The following C1orf198 variants were observed in gnomAD, a reference collection of about 807,000 sequenced individuals.
C1orf198 encodes uncharacterized protein C1orf198.
Under a neutral mutation model 31.4 loss-of-function variants are expected in C1orf198, and 17 were observed. That is an observed-to-expected ratio of 0.54 (90% CI 0.37 to 0.81). C1orf198 has a LOEUF of 0.81. C1orf198 is among the 40% of genes least tolerant of loss of function. The pLI is 0.00. For synonymous variants in C1orf198, 175 were observed against 193.8 expected, an observed-to-expected ratio of 0.90 and a Z score of 0.81; for missense variants, 401 against 450.3, an observed-to-expected ratio of 0.89 and a Z score of 0.99.
intron 2 of C1orf198, among the ~76,000 whole-genome samples, chr1:230,850,547 C>A (rs1002268483): frequency 6.6e-6 from 1 of 152,124 alleles, no homozygotes; most frequent in African/African-American, 2.4e-5. Flanking sequence ...TGTGGGATGG[C>A]AGTGCAGGGC....
chr1:230,850,143 C>T (rs753333184), intron 2 of C1orf198, among the ~76,000 whole-genome samples: 62 of 152,334 alleles, frequency 4.1e-4, no homozygotes, highest in Admixed American at 6.5e-4. Flanking sequence ...GGGACAAAGA[C>T]GCACCAACAA....
intron 1 of C1orf198, among the ~76,000 whole-genome samples, chr1:230,859,898 C>T (rs1163187845): frequency 2.0e-5 from 3 of 152,036 alleles, no homozygotes; most frequent in South Asian, 2.1e-4. Flanking sequence ...ATATCGCCAG[C>T]GTTTACTTCT....
chr1:230,859,460 T>C (rs763191824), intron 1 of C1orf198, among the ~76,000 whole-genome samples: 8 of 152,148 alleles, frequency 5.3e-5, no homozygotes, highest in Non-Finnish European at 1.0e-4. Context: ...GGCCAGGACT[T>C]ATCCTCAGAG....
upstream of C1orf198, chr1:230,869,266 AC>A (rs1670204466): frequency 6.6e-6 from 1 of 152,186 alleles, no homozygotes; most frequent in African/African-American, 2.4e-5. Flanking sequence ...CCTTTCCCCA[AC>A]CCAAGGAGCT....
At chr1:230,866,591 A>C (rs1285563052) in intron 1 of C1orf198, among the ~76,000 whole-genome samples, 1 of 152,174 alleles carries the variant, frequency 6.6e-6, no homozygotes, top group African/African-American at 2.4e-5. Context: ...CTTTTTCATC[A>C]TGAGTAGGCG....
At chr1:230,859,720 C>T (rs975649842) in intron 1 of C1orf198, among the ~76,000 whole-genome samples, 7 of 152,208 alleles carry the variant, frequency 4.6e-5, no homozygotes, top group African/African-American at 1.7e-4. Flanking sequence ...GGGATAAACA[C>T]ACACACAAAC....
chr1:230,855,393 C>T (rs533853723), intron 2 of C1orf198, among the ~76,000 whole-genome samples: 1 of 152,172 alleles, frequency 6.6e-6, no homozygotes, highest in Admixed American at 6.5e-5. Context: ...CCAAGCTGGC[C>T]GGGAGTCCTA....
upstream of C1orf198, chr1:230,868,686 G>C: frequency 3.4e-6 from 1 of 296,436 alleles, no homozygotes; most frequent in Non-Finnish European, 5.0e-6. Flanking sequence ...GGCCCTCCGT[G>C]GCCCCCTCCC....
chr1:230,847,058 C>T (rs61826296), intron 2 of C1orf198, among the ~76,000 whole-genome samples: 2 of 143,868 alleles, frequency 1.4e-5, no homozygotes, highest in African/African-American at 5.5e-5. Flanking sequence ...AGCCGAAATC[C>T]CGCCACTGCA....
Position 230,837,372 on chromosome 1 carries a change from T to C in C1orf198, c.*2480A>G, listed in dbSNP as rs1572120877. 1 of 152,360 alleles carries C rather than the reference T, an allele frequency of 6.6e-6. No homozygotes were observed. Among genetic ancestry groups the C allele is most frequent in the Non-Finnish European group, 1.5e-5 (1 of 68,030 alleles). 9.4% of individuals were successfully genotyped at this position (152,360 alleles called of 1,614,324 possible). On this transcript the variant is annotated 3_prime_UTR_variant, in exon 4 of 4. Coordinates refer to ENST00000366663, the MANE Select transcript of C1orf198 (RefSeq NM_032800.3). ...GGCTCCCAGATGAAACAGAGGCTGG[T>C]TGCTGATTTCTTGGGGGAACTTTTG... is the stretch of plus-strand genomic sequence containing the variant.
At chr1:230,847,264 AT>A (rs1669618095) in intron 2 of C1orf198, among the ~76,000 whole-genome samples, 1 of 150,214 alleles carries the variant, frequency 6.7e-6, no homozygotes, top group South Asian at 2.1e-4. Flanking sequence ...GGGCAACAGA[AT>A]GAGACTCTGT....
Position 230,839,797 on chromosome 1 carries a change from C to T in C1orf198, c.*55G>A. ...AGGTGGCCCTTTTTATCCTCCTCCA[C>T]CACACCACTTTGGAAAACATTTTAG... On this transcript the variant is annotated 3_prime_UTR_variant, in exon 4 of 4. Transcript: ENST00000366663. 6.5e-7 allele frequency: 1 copy of T among 1,529,206 alleles called. No homozygotes were observed. The highest frequency in any genetic ancestry group is 1.2e-5 in the South Asian group (1 of 85,308). 94.7% of individuals were successfully genotyped at this position (1,529,206 alleles called of 1,614,324 possible). A position where few individuals can be genotyped will look rare whatever the true frequency, so the allele number is the denominator to read the frequency against.
At position 230,838,123 on chromosome 1, in the gene C1orf198, G is replaced by A. The variant is rs1669348001; in HGVS notation, c.*1729C>T. 6.6e-6 allele frequency: 1 copy of A among 152,272 alleles called. No individual in the cohort carries two copies. Among genetic ancestry groups the A allele is most frequent in the African/African-American group, 2.4e-5 (1 of 41,470 alleles). The allele number at this position is 152,272 out of a possible 1,614,324, so 9.4% of individuals were successfully genotyped here. Reference sequence around the variant, plus strand: ...CCGCTGATTCTGAGGATCCCTGTGTGAACAGTGCCGTTAGCCCTGAGGGGA... The same window carrying A: ...CCGCTGATTCTGAGGATCCCTGTGTAAACAGTGCCGTTAGCCCTGAGGGGA... On this transcript the variant is annotated 3_prime_UTR_variant, in exon 4 of 4. Transcript: ENST00000366663. This position sits in a 1 kb window ranked among gnomAD's most constrained non-coding sequence, Gnocchi z 4.2.
intron 1 of C1orf198, 150 bp from the exon 2 acceptor site, chr1:230,855,868 A>C: frequency 2.1e-6 from 3 of 1,459,736 alleles, no homozygotes; most frequent in African/African-American, 1.4e-5. Flanking sequence ...TCTCAATATA[A>C]TGCGCTGACC....
chr1:230,837,313 G>A lies in C1orf198; in HGVS notation c.*2539C>T, dbSNP rs1047495361. ...GACAGACCCCCGCTGTTCCCAGTAG[G>A]GCAGCACCCCCAAACCCAGGGGGCC... On this transcript the variant is annotated 3_prime_UTR_variant, in exon 4 of 4. Coordinates refer to ENST00000366663, the MANE Select transcript of C1orf198 (RefSeq NM_032800.3). 6.6e-6 allele frequency: 1 copy of A among 152,558 alleles called. No individual in the cohort carries two copies. Among genetic ancestry groups the A allele is most frequent in the Admixed American group, 6.5e-5 (1 of 15,278 alleles). 9.5% of individuals were successfully genotyped at this position (152,558 alleles called of 1,614,324 possible).
In C1orf198 at chr1:230,840,281, A is replaced by G. The variant is rs1166652692; in HGVS notation, c.928-373T>C. ...AACAAATGATAAAGATATTCCTTCA[A>G]ATATAAAACAAACATCACACACAAA... On this transcript the variant is annotated intron_variant, in intron 3 of 3. Transcript: ENST00000366663. This position sits in a 1 kb window ranked among gnomAD's most constrained non-coding sequence, Gnocchi z 4.0. 2.0e-5 allele frequency among the ~76,000 whole-genome samples: 3 copies of G among 152,382 alleles called. No homozygotes were observed. Among genetic ancestry groups the G allele is most frequent in the Non-Finnish European group, 4.4e-5 (3 of 68,040 alleles).
upstream of C1orf198, chr1:230,868,785 T>G: frequency 6.5e-6 from 1 of 153,698 alleles, no homozygotes; most frequent in Non-Finnish European, 1.3e-5. Context: ...ATTACCGCGG[T>G]GCCCGCAGGT....
At chr1:230,855,141 A>G (rs1004923574) in intron 2 of C1orf198, among the ~76,000 whole-genome samples, 1 of 152,230 alleles carries the variant, frequency 6.6e-6, no homozygotes, top group Non-Finnish European at 1.5e-5. Context: ...GTGAAGCTTG[A>G]TGCTCTTAAG....
At chr1:230,860,962 A>T (rs1246124221) in intron 1 of C1orf198, among the ~76,000 whole-genome samples, 1 of 152,228 alleles carries the variant, frequency 6.6e-6, no homozygotes, top group Non-Finnish European at 1.5e-5. Flanking sequence ...AAGTGGAAGA[A>T]GCCAATCTAA....
Sources: gnomAD v4.1 joint callset for allele counts (sites outside exome capture counted in the v4.1 genomes callset) on GRCh38, gnomAD v4.1.1 for gene constraint, Gnocchi (gnomAD v3.1) non-coding constraint, MANE v1.5 for transcripts, NCBI Gene and HGNC (gene_info 2026-07-23, HGNC 2026-07-21) for gene names.